The following IRAK2 variants were observed in gnomAD, a reference collection of about 807,000 sequenced individuals.
The protein encoded by IRAK2 is interleukin-1 receptor-associated kinase-like 2.
Under a neutral mutation model 72.0 loss-of-function variants are expected in IRAK2, and 57 were observed. The ratio of observed to expected loss-of-function variants is 0.79; its 90% confidence interval spans 0.64 to 0.99. The LOEUF (loss-of-function observed/expected upper bound fraction) is 0.99. Among genes scored for constraint, IRAK2 ranks in the 50% least tolerant of loss-of-function variants. IRAK2 has a pLI of 0.00. For synonymous variants in IRAK2, 293 were observed against 312.7 expected (o/e 0.94, Z 0.67); for missense variants, 790 against 794.4 (o/e 0.99, Z 0.07).
chr3:10,178,146 G>GTT, intron 2 of IRAK2, 126 bp downstream of exon 2: 1 of 789,342 alleles, frequency 1.3e-6, no homozygotes, highest in Admixed American at 2.9e-5. Flanking sequence ...TAATGAGTGA[G>GTT]TTTACCATGC....
Position 10,179,520 on chromosome 3 carries a change from GCC to G in IRAK2, c.277+1501_277+1502del, listed in dbSNP as rs553432198. ...GAGATCTCGGCTCATTGCAGCCTCTGCCTCCTGGGTTCAAGTGATTCTCCTGC... is the reference window on the plus strand; with the variant it reads ...GAGATCTCGGCTCATTGCAGCCTCTGTCCTGGGTTCAAGTGATTCTCCTGC... On this transcript the variant is annotated intron_variant, in intron 2 of 12. Coordinates refer to ENST00000256458, the MANE Select transcript of IRAK2 (RefSeq NM_001570.4). 2.0e-4 allele frequency among the ~76,000 whole-genome samples: 30 copies of G among 148,364 alleles called. 1 individual carries two copies. In the East Asian group the frequency reaches 6.1e-3, roughly 30 times the overall value.
rs1176276742 is a variant in IRAK2 at position 10,243,611 on chromosome 3, T to C, written c.*1383T>C. On this transcript the variant is annotated 3_prime_UTR_variant, in exon 13 of 13. Coordinates refer to ENST00000256458, the MANE Select transcript of IRAK2 (RefSeq NM_001570.4). ...ATGTACCTAATGATTATTCAGTGCG[T>C]ATATATCTGAAAAGTCATGTTGCAA... The C allele has an allele frequency of 2.0e-5, 3 of 152,706 alleles. No homozygotes were observed. The highest frequency in any genetic ancestry group is 2.9e-5 in the Non-Finnish European group (2 of 68,044). 9.5% of individuals were successfully genotyped at this position (152,706 alleles called of 1,614,324 possible).
chr3:10,212,449 G>A (rs1697535626), intron 4 of IRAK2, among the ~76,000 whole-genome samples: 1 of 152,108 alleles, frequency 6.6e-6, no homozygotes, highest in Non-Finnish European at 1.5e-5. Context: ...TACTTCCCAG[G>A]AGTCTGGAAC....
In IRAK2 at chr3:10,221,519, C is replaced by G. The variant is rs575411246; in HGVS notation, c.1014-1117C>G. ...CCACCCACCTTGGCCTCCCAAAGTG[C>G]TGGGATTACAGGTGTGAGCCACCGC... is the stretch of plus-strand genomic sequence containing the variant. On this transcript the variant is annotated intron_variant, in intron 8 of 12. Transcript: ENST00000256458. Among the ~76,000 whole-genome samples, 6 of 151,682 alleles carry G rather than the reference C, an allele frequency of 4.0e-5. 1 individual carries two copies. The highest frequency in any genetic ancestry group is 1.4e-4 in the African/African-American group (6 of 41,396).
chr3:10,227,751 C>G (rs894562034), intron 10 of IRAK2, among the ~76,000 whole-genome samples: 2 of 151,418 alleles, frequency 1.3e-5, no homozygotes, highest in African/African-American at 4.9e-5. Context: ...TCACTACAAG[C>G]TCCACCTCCC....
rs185877789 is a variant in IRAK2, at chr3:10,172,228, A to G, written c.95-5610A>G. Among the ~76,000 whole-genome samples the G allele has an allele frequency of 2.6e-3, 392 of 151,322 alleles. 3 individuals are homozygous for G. Among genetic ancestry groups the G allele is most frequent in the Non-Finnish European group, 4.8e-3 (325 of 67,812 alleles). On this transcript the variant is annotated intron_variant, in intron 1 of 12. Coordinates refer to ENST00000256458, the MANE Select transcript of IRAK2 (RefSeq NM_001570.4). Reference sequence around the variant, plus strand: ...TACTAAAAAAAAAAATTAGCCGGGCATGGTGGCAGGCGCCTGTAGTCCTAG... The same window carrying G: ...TACTAAAAAAAAAAATTAGCCGGGCGTGGTGGCAGGCGCCTGTAGTCCTAG...
At chr3:10,182,503 G>A (rs766775371) in intron 2 of IRAK2, among the ~76,000 whole-genome samples, 37 of 150,980 alleles carry the variant, frequency 2.5e-4, no homozygotes, top group Non-Finnish European at 3.4e-4. Context: ...GGATGGTCTC[G>A]ATCTCCTGAC....
At chr3:10,210,212 C>T (rs1458566993) in intron 4 of IRAK2, among the ~76,000 whole-genome samples, 2 of 152,282 alleles carry the variant, frequency 1.3e-5, no homozygotes, top group African/African-American at 4.8e-5. Flanking sequence ...TGAGCCACTG[C>T]ACCCGGCCAT....
At chr3:10,178,415 C>T (rs1052007652) in intron 2 of IRAK2, among the ~76,000 whole-genome samples, 2 of 151,694 alleles carry the variant, frequency 1.3e-5, no homozygotes, top group African/African-American at 2.4e-5. Context: ...CAGGATTGCA[C>T]CACTGCACTC....
intron 2 of IRAK2, among the ~76,000 whole-genome samples, chr3:10,187,476 C>T (rs115820364): frequency 0.04 from 6,159 of 152,272 alleles, 205 homozygotes; most frequent in Non-Finnish European, 0.06. Context: ...GTACTACATG[C>T]ACAGGGCATC....
chr3:10,182,215 G>A (rs924373198), intron 2 of IRAK2, among the ~76,000 whole-genome samples: 2 of 151,592 alleles, frequency 1.3e-5, no homozygotes, highest in African/African-American at 2.4e-5. Flanking sequence ...GTGATCCACC[G>A]GCCTTGGCCT....
chr3:10,231,946 G>T (rs1219074701), intron 10 of IRAK2, among the ~76,000 whole-genome samples: 1 of 152,150 alleles, frequency 6.6e-6, no homozygotes, highest in African/African-American at 2.4e-5. Flanking sequence ...CTAACATGGT[G>T]AAACCCCGTC....
chr3:10,183,994 C>T (rs998161135), intron 2 of IRAK2, among the ~76,000 whole-genome samples: 9 of 152,198 alleles, frequency 5.9e-5, no homozygotes, highest in Non-Finnish European at 4.4e-5. Context: ...GTGGCAGCTC[C>T]GTGGTTTTGT....
chr3:10,187,118 C>A (rs1304306764), intron 2 of IRAK2, among the ~76,000 whole-genome samples: 1 of 151,260 alleles, frequency 6.6e-6, no homozygotes, highest in African/African-American at 2.5e-5. Context: ...TTTTGGATTT[C>A]AGGTTTTCAG....
chr3:10,214,391 CTTTTTT>C lies in IRAK2; in HGVS notation c.788+858_788+863del, dbSNP rs534445139. On this transcript the variant is annotated intron_variant, in intron 6 of 12. Coordinates refer to ENST00000256458, the MANE Select transcript of IRAK2 (RefSeq NM_001570.4). Reference sequence around the variant, plus strand: ...AGGTGTGCGCCCAGCTCATTTTTTGCTTTTTTTTTTTTTTTTTTTTGTAGAGATAGG... The same window carrying C: ...AGGTGTGCGCCCAGCTCATTTTTTGCTTTTTTTTTTTTTTGTAGAGATAGG... 6.3e-5 allele frequency among the ~76,000 whole-genome samples: 6 copies of C among 95,412 alleles called. No homozygotes were observed. In the South Asian group the frequency reaches 1.1e-3, roughly 18 times the overall value. 62.6% of individuals were successfully genotyped at this position (95,412 alleles called of 152,430 possible). A position where few individuals can be genotyped will look rare whatever the true frequency, so the allele number is the denominator to read the frequency against.
intron 3 of IRAK2, among the ~76,000 whole-genome samples, chr3:10,207,201 C>A (rs1189844628): frequency 6.6e-6 from 1 of 152,204 alleles, no homozygotes; most frequent in Admixed American, 6.5e-5. Flanking sequence ...GATCCACCTG[C>A]CTCGGCCTCC....
chr3:10,214,053 C>T (rs529753446), intron 6 of IRAK2, among the ~76,000 whole-genome samples: 14 of 152,062 alleles, frequency 9.2e-5, no homozygotes, highest in South Asian at 2.1e-4. Context: ...CTTAGCCTCC[C>T]GAGTAGCTGG....
chr3:10,166,251 A>G (rs1281198349), intron 1 of IRAK2, among the ~76,000 whole-genome samples: 1 of 152,232 alleles, frequency 6.6e-6, no homozygotes, highest in East Asian at 1.9e-4. Flanking sequence ...TAATAGATTC[A>G]GTGTGTATAA....
intron 1 of IRAK2, 75 bp downstream of exon 1, chr3:10,165,123 A>G: frequency 7.5e-7 from 1 of 1,339,184 alleles, no homozygotes; most frequent in Non-Finnish European, 1.0e-6. Context: ...GCGGCCGCCA[A>G]GCTCCCTCGG....
Sources: gnomAD v4.1 joint callset for allele counts (sites outside exome capture counted in the v4.1 genomes callset) on GRCh38, gnomAD v4.1.1 for gene constraint, MANE v1.5 for transcripts, NCBI Gene and HGNC (gene_info 2026-07-23, HGNC 2026-07-21) for gene names.